COP1: variants seen among roughly 807,000 people sequenced by gnomAD.
The protein encoded by COP1 is COP1 E3 ubiquitin ligase, also known as E3 ubiquitin-protein ligase COP1.
COP1 carries 24 observed loss-of-function variants against 101.3 expected under a neutral mutation model. That is an observed-to-expected ratio of 0.24 (90% CI 0.17 to 0.33). COP1 has a LOEUF of 0.33. Ranked by LOEUF, COP1 falls within the 10% of genes least tolerant of loss-of-function variation. The pLI, the probability that COP1 is intolerant of heterozygous loss-of-function variation, is 1.00. For missense variants in COP1, 663 were observed against 906.2 expected, an observed-to-expected ratio of 0.73 and a Z score of 3.45; for synonymous variants, 347 against 341.9, an observed-to-expected ratio of 1.01 and a Z score of -0.17.
At chr1:176,078,893 C>T (rs1372970306) in intron 11 of COP1, among the ~76,000 whole-genome samples, 2 of 152,092 alleles carry the variant, frequency 1.3e-5, no homozygotes, top group African/African-American at 4.8e-5. Flanking sequence ...TGAAAAAACA[C>T]TCAGCATCAC....
Position 176,207,258 on chromosome 1 carries a change from C to T in COP1, c.-280G>A, listed in dbSNP as rs1700963969. 1.0e-5 allele frequency: 4 copies of T among 391,798 alleles called. No individual in the cohort carries two copies. The highest frequency in any genetic ancestry group is 1.8e-5 in the Non-Finnish European group (4 of 221,846). 24.3% of individuals were successfully genotyped at this position (391,798 alleles called of 1,614,324 possible). Reference sequence around the variant, plus strand: ...CCTGTAGCAGCCAACCCCGGCGCGCCGTGGCCGGCCGTGCGCGCGCGCGCG... The same window carrying T: ...CCTGTAGCAGCCAACCCCGGCGCGCTGTGGCCGGCCGTGCGCGCGCGCGCG... On this transcript the variant is annotated 5_prime_UTR_variant, in exon 1 of 20. Coordinates refer to ENST00000367669, the MANE Select transcript of COP1 (RefSeq NM_022457.7).
At chr1:176,004,771 T>A (rs1010666959) in intron 15 of COP1, among the ~76,000 whole-genome samples, 5 of 150,452 alleles carry the variant, frequency 3.3e-5, no homozygotes, top group Non-Finnish European at 7.4e-5. Flanking sequence ...TTATTGAGGA[T>A]TTTTGCATCA....
chr1:175,950,017 C>A (rs946827667), intron 18 of COP1, among the ~76,000 whole-genome samples: 3 of 152,164 alleles, frequency 2.0e-5, no homozygotes, highest in African/African-American at 7.2e-5. Context: ...GATTACCACA[C>A]AAGAGGAGTT....
intron 8 of COP1, among the ~76,000 whole-genome samples, chr1:176,126,380 A>C (rs1428712161): frequency 6.6e-6 from 1 of 152,164 alleles, no homozygotes; most frequent in Non-Finnish European, 1.5e-5. Flanking sequence ...ATTATGTTGA[A>C]GTGTGTTCCT....
intron 9 of COP1, among the ~76,000 whole-genome samples, chr1:176,110,518 T>C (rs1685099345): frequency 6.6e-6 from 1 of 152,210 alleles, no homozygotes; most frequent in Non-Finnish European, 1.5e-5. Context: ...TCAAAAGTCA[T>C]CTATACTTTT....
chr1:175,973,079 G>A (rs1486254700), intron 18 of COP1, among the ~76,000 whole-genome samples: 6 of 152,256 alleles, frequency 3.9e-5, no homozygotes, highest in Non-Finnish European at 7.4e-5. Context: ...GGATCTGCCC[G>A]CCTCAGCCTT....
chr1:176,053,594 C>T (rs1672940092), intron 11 of COP1, among the ~76,000 whole-genome samples: 1 of 152,088 alleles, frequency 6.6e-6, no homozygotes, highest in African/African-American at 2.4e-5. Context: ...CAACCATGAC[C>T]ACACCCTAAA....
At chr1:176,111,138 C>T (rs528848431) in intron 9 of COP1, among the ~76,000 whole-genome samples, 5 of 152,030 alleles carry the variant, frequency 3.3e-5, no homozygotes, top group South Asian at 2.1e-4. Flanking sequence ...GACAACAGAG[C>T]GAGACCTTGT....
intron 14 of COP1, among the ~76,000 whole-genome samples, chr1:176,032,472 T>C (rs530492320): frequency 9.2e-5 from 14 of 152,260 alleles, no homozygotes; most frequent in African/African-American, 3.4e-4. Context: ...AAACATATAC[T>C]ATCTCACACA....
At chr1:176,023,603 A>C (rs1571746938) in intron 15 of COP1, among the ~76,000 whole-genome samples, 4 of 151,894 alleles carry the variant, frequency 2.6e-5, no homozygotes, top group African/African-American at 9.7e-5. Flanking sequence ...CTGTAATCCC[A>C]GCTACTTGGG....
chr1:175,974,922 C>CAA (rs34306335), intron 18 of COP1, among the ~76,000 whole-genome samples: 88 of 91,216 alleles, frequency 9.6e-4, no homozygotes, highest in African/African-American at 3.1e-3. Context: ...GACCCTGTCT[C>CAA]AAAAAAAAAA....
chr1:176,139,157 C>T (rs1228826161), intron 6 of COP1, among the ~76,000 whole-genome samples: 1 of 151,644 alleles, frequency 6.6e-6, no homozygotes, highest in East Asian at 1.9e-4. Flanking sequence ...ATACAAGTGG[C>T]CATCACACAT....
intron 15 of COP1, among the ~76,000 whole-genome samples, chr1:176,008,806 A>G (rs543119244): frequency 6.6e-6 from 1 of 152,344 alleles, no homozygotes; most frequent in South Asian, 2.1e-4. Context: ...TTCCTACTGC[A>G]TGGAGCCACT....
intron 11 of COP1, among the ~76,000 whole-genome samples, chr1:176,072,326 G>A (rs572626855): frequency 2.0e-5 from 3 of 152,300 alleles, no homozygotes; most frequent in African/African-American, 7.2e-5. Flanking sequence ...ATTCATTCAT[G>A]CATTCATTTA....
chr1:175,949,023 C>T (rs1227140378), intron 18 of COP1, among the ~76,000 whole-genome samples: 7 of 151,258 alleles, frequency 4.6e-5, no homozygotes, highest in Admixed American at 1.3e-4. Context: ...ATTAGCTTGG[C>T]GTGGTGGCGT....
chr1:176,127,773 C>T (rs1443884820), intron 8 of COP1, among the ~76,000 whole-genome samples: 1 of 152,124 alleles, frequency 6.6e-6, no homozygotes, highest in African/African-American at 2.4e-5. Context: ...AATGGGATTG[C>T]AGGATCGTAT....
At chr1:176,162,470 C>A (rs908499511) in intron 5 of COP1, among the ~76,000 whole-genome samples, 1 of 152,132 alleles carries the variant, frequency 6.6e-6, no homozygotes, top group Non-Finnish European at 1.5e-5. Flanking sequence ...CCAATGGACA[C>A]CTGCTGAAAG....
rs1272494513 is a variant in COP1, at chr1:176,081,301, A to G, written c.1142-14T>C. On this transcript the variant is annotated splice_polypyrimidine_tract_variant and intron_variant, in intron 10 of 19. Transcript: ENST00000367669. ...TTCGACTGTCATCTATATGAAAAAA[A>G]AAAAAAAAAGACAAAACAGATGAAT... 3 of 1,572,574 alleles carry G rather than the reference A, an allele frequency of 1.9e-6. No individual in the cohort carries two copies. The highest frequency in any genetic ancestry group is 2.6e-6 in the Non-Finnish European group (3 of 1,166,282).
In COP1 at chr1:176,134,991, G is replaced by C. The variant is rs372425386; in HGVS notation, c.968+19C>G. ...TTTGTAATATGAATTCTAATCAATTGCAAGTGTGAAGCTTGTACCTGTGTG... is the reference window on the plus strand; with the variant it reads ...TTTGTAATATGAATTCTAATCAATTCCAAGTGTGAAGCTTGTACCTGTGTG... On this transcript the variant is annotated intron_variant, in intron 8 of 19. Transcript: ENST00000367669. The C allele has an allele frequency of 6.4e-5, 101 of 1,574,786 alleles. No homozygotes were observed. Among genetic ancestry groups the C allele is most frequent in the Non-Finnish European group, 8.0e-5 (92 of 1,145,624 alleles).
Sources: allele counts gnomAD v4.1 joint callset (sites outside exome capture counted in the v4.1 genomes callset), GRCh38; gene constraint gnomAD v4.1.1; transcripts MANE v1.5; gene names NCBI Gene and HGNC (gene_info 2026-07-23, HGNC 2026-07-21).